LIPI: variants seen among roughly 807,000 people sequenced by gnomAD.
LIPI encodes the protein lipase member I.
Under a neutral mutation model 50.6 loss-of-function variants are expected in LIPI, and 59 were observed. That is an observed-to-expected ratio of 1.16 (90% CI 0.94 to 1.45). LIPI has a LOEUF of 1.45. LIPI is among the 40% of genes most tolerant of loss of function. LIPI has a pLI of 0.00. For synonymous variants in LIPI, 203 were observed against 178.2 expected, an observed-to-expected ratio of 1.14 and a Z score of -1.11; for missense variants, 586 against 536.3, an observed-to-expected ratio of 1.09 and a Z score of -0.92.
At chr21:14,111,489 C>A (rs2016411302) in intron 9 of LIPI, among the ~76,000 whole-genome samples, 1 of 151,818 alleles carries the variant, frequency 6.6e-6, no homozygotes. Flanking sequence ...CTTGGAGATT[C>A]ACCCCTTATC....
rs1399224970 is a variant in LIPI at position 14,128,822 on chromosome 21, G to A, written c.1295+15801C>T. 2.6e-5 allele frequency among the ~76,000 whole-genome samples: 4 copies of A among 152,168 alleles called. No individual in the cohort carries two copies. In the East Asian group the frequency reaches 7.7e-4, roughly 29 times the overall value. ...TTTCAGAGATAAAATTGCAATCAATGCAGATTTTATTATCTAACTTTCTTA... is the reference window on the plus strand; with the variant it reads ...TTTCAGAGATAAAATTGCAATCAATACAGATTTTATTATCTAACTTTCTTA... On this transcript the variant is annotated intron_variant, in intron 9 of 9. Coordinates refer to ENST00000681601, the MANE Select transcript of LIPI (RefSeq NM_001302998.2).
chr21:14,118,661 G>A (rs1322446881), intron 9 of LIPI, among the ~76,000 whole-genome samples: 2 of 152,172 alleles, frequency 1.3e-5, no homozygotes, highest in Non-Finnish European at 2.9e-5. Context: ...AAGATATAGT[G>A]TGGCTGAAAG....
chr21:14,205,838 A>T (rs1295136649), intron 1 of LIPI, among the ~76,000 whole-genome samples: 1 of 152,090 alleles, frequency 6.6e-6, no homozygotes, highest in Non-Finnish European at 1.5e-5. Flanking sequence ...TAATTTTTGT[A>T]CCTGTTTGAA....
At chr21:14,111,874 G>A (rs192738675) in intron 9 of LIPI, among the ~76,000 whole-genome samples, 1 of 151,852 alleles carries the variant, frequency 6.6e-6, no homozygotes, top group African/African-American at 2.4e-5. Flanking sequence ...ATAGATTCAG[G>A]GGGTACATGT....
At chr21:14,133,507 C>G (rs748791262) in intron 9 of LIPI, among the ~76,000 whole-genome samples, 24 of 152,200 alleles carry the variant, frequency 1.6e-4, no homozygotes, top group Non-Finnish European at 2.8e-4. Context: ...GACAGACTCA[C>G]AGCCAGCATC....
chr21:14,161,075 G>C (rs984155939), intron 7 of LIPI, among the ~76,000 whole-genome samples: 16 of 151,124 alleles, frequency 1.1e-4, no homozygotes, highest in Non-Finnish European at 2.1e-4. Context: ...TTTTTTCAAA[G>C]CTAAATGTGC....
chr21:14,168,587 AC>A (rs1336056018), intron 4 of LIPI, among the ~76,000 whole-genome samples: 2 of 152,220 alleles, frequency 1.3e-5, no homozygotes, highest in Non-Finnish European at 2.9e-5. Flanking sequence ...AGAATTGTCA[AC>A]CCAGAATTTC....
intron 7 of LIPI, among the ~76,000 whole-genome samples, chr21:14,156,980 G>A (rs1234330858): frequency 6.6e-6 from 1 of 151,822 alleles, no homozygotes; most frequent in African/African-American, 2.4e-5. Context: ...GGTAGAAGAA[G>A]AATCCTCACT....
At chr21:14,172,437 T>G (rs543233692) in intron 4 of LIPI, among the ~76,000 whole-genome samples, 1 of 152,074 alleles carries the variant, frequency 6.6e-6, no homozygotes, top group Non-Finnish European at 1.5e-5. Context: ...TGCAGCACTA[T>G]TCACAATAGC....
intron 6 of LIPI, 109 bp downstream of exon 6, chr21:14,165,114 T>C (rs1418843022): frequency 2.5e-6 from 2 of 795,764 alleles, no homozygotes; most frequent in Non-Finnish European, 4.2e-6. Context: ...AAAATGGTCA[T>C]GTATTAACAA....
intron 8 of LIPI, among the ~76,000 whole-genome samples, chr21:14,146,822 A>G (rs1157187984): frequency 8.9e-6 from 1 of 112,062 alleles, no homozygotes; most frequent in African/African-American, 3.6e-5. Flanking sequence ...ACTGTCACCC[A>G]GGCTGGAGTG....
chr21:14,169,452 C>A (rs2018812700), intron 4 of LIPI, among the ~76,000 whole-genome samples: 1 of 152,134 alleles, frequency 6.6e-6, no homozygotes, highest in Non-Finnish European at 1.5e-5. Flanking sequence ...AAATTGACCA[C>A]ATAGTTGGAA....
intron 9 of LIPI, among the ~76,000 whole-genome samples, chr21:14,140,354 A>T (rs761540002): frequency 6.6e-6 from 1 of 152,288 alleles, no homozygotes; most frequent in South Asian, 2.1e-4. Context: ...ATTTCTTTCC[A>T]TGTTTCAACT....
rs767253435 is a variant in LIPI, at chr21:14,141,167, AT to A, written c.1295+3455del. Among the ~76,000 whole-genome samples, 8 of 151,420 alleles carry A rather than the reference AT, an allele frequency of 5.3e-5. No homozygotes were observed. In the South Asian group the frequency reaches 6.3e-4, roughly 12 times the overall value. ...TCTTCTTTTCCTCAGTTGAAGGGGA[AT>A]TTTTTTTTATTACATCCGTAGTTAG... On this transcript the variant is annotated intron_variant, in intron 9 of 9. Coordinates refer to ENST00000681601, the MANE Select transcript of LIPI (RefSeq NM_001302998.2).
rs559962309 is a variant in LIPI at position 14,154,934 on chromosome 21, A to C, written c.1007-2250T>G. On this transcript the variant is annotated intron_variant, in intron 7 of 9. Transcript: ENST00000681601. ...ATTGCCCATAATACCAAGAACAAAG[A>C]AAATCACAACATTGTTAAGAAAATT... is the stretch of plus-strand genomic sequence containing the variant. 6.6e-5 allele frequency among the ~76,000 whole-genome samples: 10 copies of C among 152,176 alleles called. No individual in the cohort carries two copies. The East Asian group carries it at 1.9e-3, about 29-fold the overall frequency.
At chr21:14,119,840 T>A (rs1048782913) in intron 9 of LIPI, among the ~76,000 whole-genome samples, 4 of 152,188 alleles carry the variant, frequency 2.6e-5, no homozygotes, top group African/African-American at 9.6e-5. Flanking sequence ...TTCAAGGAAC[T>A]GGCCGCCACT....
chr21:14,186,894 C>T lies in LIPI; in HGVS notation c.433-825G>A, dbSNP rs369655687. Among the ~76,000 whole-genome samples the T allele has an allele frequency of 1.5e-4, 23 of 152,204 alleles. No homozygotes were observed. The East Asian group carries it at 1.7e-3, about 12-fold the overall frequency. ...TGCCTTCTCCTTGGACTTCTCAGAC[C>T]CTGAAACTATGAGAAATAAATGTTT... On this transcript the variant is annotated intron_variant, in intron 2 of 9. Transcript: ENST00000681601.
At chr21:14,146,440 T>G (rs1265083425) in intron 8 of LIPI, among the ~76,000 whole-genome samples, 1 of 152,228 alleles carries the variant, frequency 6.6e-6, no homozygotes, top group Admixed American at 6.5e-5. Flanking sequence ...TTATATTGAC[T>G]TTACCTCTGA....
At chr21:14,122,608 A>G (rs1032545784) in intron 9 of LIPI, among the ~76,000 whole-genome samples, 1 of 152,206 alleles carries the variant, frequency 6.6e-6, no homozygotes, top group Non-Finnish European at 1.5e-5. Flanking sequence ...GAACCAGAAG[A>G]AGAATGTCCT....
Sources: allele counts gnomAD v4.1 joint callset (sites outside exome capture counted in the v4.1 genomes callset), GRCh38; gene constraint gnomAD v4.1.1; transcripts MANE v1.5; gene names NCBI Gene and HGNC (gene_info 2026-07-23, HGNC 2026-07-21).